The following HS3ST5 variants were observed in gnomAD, a reference collection of about 807,000 sequenced individuals.
HS3ST5 encodes the protein heparan sulfate-glucosamine 3-sulfotransferase 5, also known as heparan sulfate glucosamine 3-O-sulfotransferase 5.
Under a neutral mutation model 25.4 loss-of-function variants are expected in HS3ST5, and 10 were observed. The observed-to-expected ratio is 0.39, with a 90% CI of 0.24 to 0.67. HS3ST5 has a LOEUF of 0.67. Among genes scored for constraint, HS3ST5 ranks in the 30% least tolerant of loss-of-function variants. HS3ST5 has a pLI of 0.44. For synonymous variants in HS3ST5, 170 were observed against 162.4 expected, an observed-to-expected ratio of 1.05 and a Z score of -0.36; for missense variants, 324 against 420.7, an observed-to-expected ratio of 0.77 and a Z score of 2.01.
intron 1 of HS3ST5, among the ~76,000 whole-genome samples, chr6:114,274,940 C>T (rs1349171562): frequency 6.6e-6 from 1 of 151,348 alleles, no homozygotes; most frequent in Non-Finnish European, 1.5e-5. Context: ...TACAAGGTGA[C>T]AGAGCTGGGA....
At chr6:114,126,435 A>G (rs577500042) in intron 3 of HS3ST5, among the ~76,000 whole-genome samples, 70 of 152,308 alleles carry the variant, frequency 4.6e-4, no homozygotes, top group African/African-American at 1.6e-3. Flanking sequence ...GAAAAGCACT[A>G]TCTATACACA....
At chr6:114,170,265 G>A (rs199584304) in intron 2 of HS3ST5, among the ~76,000 whole-genome samples, 1 of 151,926 alleles carries the variant, frequency 6.6e-6, no homozygotes, top group South Asian at 2.1e-4. Context: ...ATATATGTAT[G>A]TACATATGTA....
At chr6:114,148,654 G>A (rs892602483) in intron 3 of HS3ST5, among the ~76,000 whole-genome samples, 10 of 151,824 alleles carry the variant, frequency 6.6e-5, no homozygotes, top group African/African-American at 9.7e-5. Flanking sequence ...AGAAGAAAAC[G>A]TAGGCAATAC....
At chr6:114,305,581 T>G (rs1482656666) in intron 1 of HS3ST5, among the ~76,000 whole-genome samples, 1 of 152,126 alleles carries the variant, frequency 6.6e-6, no homozygotes, top group Non-Finnish European at 1.5e-5. Flanking sequence ...TTATGTGTAC[T>G]TTTCATTTCA....
chr6:114,150,979 A>T (rs1778422687), intron 3 of HS3ST5, among the ~76,000 whole-genome samples: 2 of 152,188 alleles, frequency 1.3e-5, no homozygotes, highest in Admixed American at 1.3e-4. Context: ...TTGCATTTTT[A>T]CTGCTTTTTT....
intron 1 of HS3ST5, among the ~76,000 whole-genome samples, chr6:114,233,576 C>T (rs1238584218): frequency 1.3e-5 from 2 of 152,100 alleles, no homozygotes; most frequent in African/African-American, 4.8e-5. Context: ...CTCAGCTAAA[C>T]CTTGAGTTCT....
At chr6:114,266,172 T>A (rs968027501) in intron 1 of HS3ST5, among the ~76,000 whole-genome samples, 2 of 152,200 alleles carry the variant, frequency 1.3e-5, no homozygotes, top group African/African-American at 2.4e-5. Context: ...ATCCAAAAAT[T>A]TATTTAACTC....
intron 3 of HS3ST5, among the ~76,000 whole-genome samples, chr6:114,117,784 G>C (rs969310827): frequency 6.6e-6 from 1 of 152,114 alleles, no homozygotes; most frequent in Non-Finnish European, 1.5e-5. Flanking sequence ...TAGGCTAATT[G>C]GGAATTCAGA....
At chr6:114,334,612 T>C (rs928321458) in intron 1 of HS3ST5, among the ~76,000 whole-genome samples, 2 of 152,224 alleles carry the variant, frequency 1.3e-5, no homozygotes, top group African/African-American at 2.4e-5. Flanking sequence ...GTATTACGAC[T>C]GCTTACAGTA....
chr6:114,181,059 A>G (rs138351281), intron 2 of HS3ST5, among the ~76,000 whole-genome samples: 16 of 152,342 alleles, frequency 1.1e-4, no homozygotes, highest in African/African-American at 3.4e-4. Flanking sequence ...TTGGATTTGA[A>G]GAACTGTTAA....
In HS3ST5 at chr6:114,279,569, A is replaced by T. The variant is rs957243418; in HGVS notation, c.-338-50791T>A. Among the ~76,000 whole-genome samples, 9 of 152,136 alleles carry T rather than the reference A, an allele frequency of 5.9e-5. No homozygotes were observed. The South Asian group carries it at 8.3e-4, about 14-fold the overall frequency. On this transcript the variant is annotated intron_variant, in intron 1 of 4. Coordinates refer to ENST00000312719, the MANE Select transcript of HS3ST5 (RefSeq NM_153612.4). ...AAAATGCCAAATGGGGGTGTTCTCT[A>T]TTCTGGACAGTCCCCACATTTCTAT...
chr6:114,247,057 A>C (rs1160282756), intron 1 of HS3ST5, among the ~76,000 whole-genome samples: 2 of 152,200 alleles, frequency 1.3e-5, no homozygotes, highest in Non-Finnish European at 2.9e-5. Context: ...TCCCAACCCA[A>C]ATGAAGTCAT....
intron 3 of HS3ST5, among the ~76,000 whole-genome samples, chr6:114,109,253 T>C (rs1404162136): frequency 1.5e-5 from 2 of 133,024 alleles, no homozygotes; most frequent in Non-Finnish European, 3.4e-5. Context: ...GGAAGGTGTT[T>C]GTATCTATAT....
rs542024806 is a variant in HS3ST5, at chr6:114,165,967, G to A, written c.-33+2384C>T. On this transcript the variant is annotated intron_variant, in intron 3 of 4. Coordinates refer to ENST00000312719, the MANE Select transcript of HS3ST5 (RefSeq NM_153612.4). ...AGGCTGACGCGGGAGGATCCCTTGA[G>A]GACAGGAGTTCAAGACCATCCTGGG... Among the ~76,000 whole-genome samples the A allele has an allele frequency of 2.6e-5, 4 of 152,022 alleles. No homozygotes were observed. The East Asian group carries it at 7.7e-4, about 29-fold the overall frequency.
rs372147640 is a variant in HS3ST5, at chr6:114,278,864, C to T, written c.-338-50086G>A. ...ATGGAAATGTGTTCTCCACAGCAAA[C>T]GACAGAATGCAGCTAACAATCAGTT... is the stretch of plus-strand genomic sequence containing the variant. On this transcript the variant is annotated intron_variant, in intron 1 of 4. Coordinates refer to ENST00000312719, the MANE Select transcript of HS3ST5 (RefSeq NM_153612.4). Among the ~76,000 whole-genome samples, 26 of 152,124 alleles carry T rather than the reference C, an allele frequency of 1.7e-4. No individual in the cohort carries two copies. The South Asian group carries it at 3.3e-3, about 19-fold the overall frequency.
At chr6:114,063,624 T>C (rs1032721662) in intron 3 of HS3ST5, among the ~76,000 whole-genome samples, 2 of 152,176 alleles carry the variant, frequency 1.3e-5, no homozygotes, top group African/African-American at 4.8e-5. Flanking sequence ...TCATAAGTTA[T>C]CATTTTGAGC....
chr6:114,084,085 C>CTTT (rs367546368), intron 3 of HS3ST5: 121 of 463,494 alleles, frequency 2.6e-4, no homozygotes, highest in South Asian at 7.6e-4. Flanking sequence ...ATTTTCTTTT[C>CTTT]TTTTTTTTTT....
intron 1 of HS3ST5, among the ~76,000 whole-genome samples, chr6:114,316,973 CAGTT>C (rs1775771716): frequency 6.6e-6 from 1 of 152,104 alleles, no homozygotes; most frequent in African/African-American, 2.4e-5. Context: ...AGCAGTTACA[CAGTT>C]AGTTAGAAAA....
intron 2 of HS3ST5, among the ~76,000 whole-genome samples, chr6:114,203,573 T>C (rs1225881243): frequency 1.3e-5 from 2 of 152,198 alleles, no homozygotes; most frequent in Non-Finnish European, 2.9e-5. Flanking sequence ...TTTCAGACTT[T>C]TGCATTCTGA....
Sources: allele counts gnomAD v4.1 joint callset (sites outside exome capture counted in the v4.1 genomes callset), GRCh38; gene constraint gnomAD v4.1.1; transcripts MANE v1.5; gene names NCBI Gene and HGNC (gene_info 2026-07-23, HGNC 2026-07-21).